Variants in NYAP2 observed in about 807,000 individuals in gnomAD.
NYAP2 encodes the protein neuronal tyrosine-phosphorylated phosphoinositide-3-kinase adapter 2.
In NYAP2, 23 loss-of-function variants were observed where a neutral mutation model predicts 50.4. That is an observed-to-expected ratio of 0.46 (90% CI 0.33 to 0.65). The LOEUF (loss-of-function observed/expected upper bound fraction) is 0.65. Among genes scored for constraint, NYAP2 ranks in the 30% least tolerant of loss-of-function variants. The pLI, the probability that NYAP2 is intolerant of heterozygous loss-of-function variation, is 0.02. For missense variants in NYAP2, 885 were observed against 861.0 expected, an observed-to-expected ratio of 1.03 and a Z score of -0.35; for synonymous variants, 394 against 365.2, an observed-to-expected ratio of 1.08 and a Z score of -0.90.
chr2:225,693,967 AT>A, the NYAP2 span, among the ~76,000 whole-genome samples: 1 of 152,026 alleles, frequency 6.6e-6, no homozygotes. Context: ...ACTTGATTTT[AT>A]TTCCATGGAC....
At chr2:225,455,712 G>A (rs1316489095) in intron 3 of NYAP2, among the ~76,000 whole-genome samples, 1 of 152,146 alleles carries the variant, frequency 6.6e-6, no homozygotes, top group Non-Finnish European at 1.5e-5. Flanking sequence ...AAGTTTTAAG[G>A]TGAATAAGAA....
At chr2:225,611,913 C>T (rs1050839228) in intron 5 of NYAP2, among the ~76,000 whole-genome samples, 11 of 22,572 alleles carry the variant, frequency 4.9e-4, no homozygotes, top group Admixed American at 2.8e-3. Flanking sequence ...CACACACACA[C>T]ACACACACAC....
chr2:225,462,486 G>T (rs1031859305), intron 3 of NYAP2, among the ~76,000 whole-genome samples: 2 of 151,968 alleles, frequency 1.3e-5, no homozygotes, highest in African/African-American at 4.8e-5. Context: ...AGACTAGAAG[G>T]CTCCAGTTTC....
At chr2:225,403,024 A>G (rs954714981) in intron 2 of NYAP2, among the ~76,000 whole-genome samples, 3 of 152,044 alleles carry the variant, frequency 2.0e-5, no homozygotes, top group African/African-American at 7.2e-5. Flanking sequence ...AAATCCTTAC[A>G]TTTTCATACA....
the NYAP2 span, among the ~76,000 whole-genome samples, chr2:225,695,979 T>A: frequency 6.6e-6 from 1 of 151,900 alleles, no homozygotes; most frequent in Non-Finnish European, 1.5e-5. Context: ...GGGCTCCAAG[T>A]CCAAGCTAGT....
chr2:225,508,452 T>C (rs1690749960), intron 3 of NYAP2, among the ~76,000 whole-genome samples: 1 of 152,198 alleles, frequency 6.6e-6, no homozygotes, highest in African/African-American at 2.4e-5. Context: ...GGAGGAATTG[T>C]TCCCAAGTAT....
chr2:225,660,337 C>T, the NYAP2 span, among the ~76,000 whole-genome samples: 1 of 151,928 alleles, frequency 6.6e-6, no homozygotes, highest in Non-Finnish European at 1.5e-5. Flanking sequence ...ACTTACTCAC[C>T]TCTTTGAATT....
intron 4 of NYAP2, among the ~76,000 whole-genome samples, chr2:225,565,977 C>T (rs1269294792): frequency 1.3e-5 from 2 of 152,100 alleles, no homozygotes; most frequent in Non-Finnish European, 2.9e-5. Flanking sequence ...GTCTTTTTGA[C>T]AGTATGGTGA....
At chr2:225,522,810 A>G (rs561702956) in intron 4 of NYAP2, among the ~76,000 whole-genome samples, 68 of 152,276 alleles carry the variant, frequency 4.5e-4, no homozygotes, top group African/African-American at 1.4e-3. Context: ...AAACCAGAAA[A>G]TCTGGCATGA....
upstream of NYAP2, chr2:225,399,625 TG>T: frequency 6.6e-6 from 1 of 152,082 alleles, no homozygotes; most frequent in South Asian, 2.1e-4. Flanking sequence ...TCTCATGCCA[TG>T]GGAGCAGGTG....
the NYAP2 span, among the ~76,000 whole-genome samples, chr2:225,663,408 C>T: frequency 6.6e-6 from 1 of 152,138 alleles, no homozygotes; most frequent in Non-Finnish European, 1.5e-5. Flanking sequence ...CCACTGCCCA[C>T]AGCATGAATC....
chr2:225,631,286 T>C (rs1478985695), intron 6 of NYAP2, among the ~76,000 whole-genome samples: 1 of 152,206 alleles, frequency 6.6e-6, no homozygotes, highest in Non-Finnish European at 1.5e-5. Flanking sequence ...CTTTCTTCCA[T>C]ATCAAAACCC....
chr2:225,445,093 T>C (rs1285937836), intron 3 of NYAP2, among the ~76,000 whole-genome samples: 2 of 152,116 alleles, frequency 1.3e-5, no homozygotes, highest in African/African-American at 2.4e-5. Context: ...GGTATGTAAC[T>C]GACATTTTCT....
chr2:225,426,391 G>A (rs895044810), intron 3 of NYAP2, among the ~76,000 whole-genome samples: 5 of 152,018 alleles, frequency 3.3e-5, no homozygotes, highest in African/African-American at 1.2e-4. Flanking sequence ...GAGAATCCAC[G>A]GTAAGTGCTA....
the NYAP2 span, among the ~76,000 whole-genome samples, chr2:225,693,189 C>A: frequency 6.6e-6 from 1 of 152,194 alleles, no homozygotes; most frequent in Admixed American, 6.6e-5. Flanking sequence ...ATTAATTACA[C>A]TTAGTCATTG....
chr2:225,625,736 T>C (rs1239127719), intron 5 of NYAP2, among the ~76,000 whole-genome samples: 2 of 152,112 alleles, frequency 1.3e-5, no homozygotes, highest in Non-Finnish European at 2.9e-5. Context: ...AGGTGGAGAT[T>C]CTTGCCGATG....
At chr2:225,586,925 C>A (rs1293571118) in intron 5 of NYAP2, among the ~76,000 whole-genome samples, 3 of 152,220 alleles carry the variant, frequency 2.0e-5, no homozygotes, top group Non-Finnish European at 4.4e-5. Context: ...AATTGACTCA[C>A]AGTTCCACAT....
intron 3 of NYAP2, among the ~76,000 whole-genome samples, chr2:225,426,871 C>T (rs369206430): frequency 6.6e-6 from 1 of 152,068 alleles, no homozygotes; most frequent in East Asian, 1.9e-4. Flanking sequence ...GGCCCTGAGC[C>T]GGTAACTAAT....
chr2:225,525,440 T>C (rs1432987484), intron 4 of NYAP2, among the ~76,000 whole-genome samples: 1 of 152,198 alleles, frequency 6.6e-6, no homozygotes, highest in African/African-American at 2.4e-5. Flanking sequence ...GAATACTACA[T>C]AGCCATAACA....
Sources: allele counts gnomAD v4.1 joint callset (sites outside exome capture counted in the v4.1 genomes callset), GRCh38; gene constraint gnomAD v4.1.1; transcripts MANE v1.5; gene names NCBI Gene and HGNC (gene_info 2026-07-23, HGNC 2026-07-21).